The following RPS6KA2 variants were observed in gnomAD, a reference collection of about 807,000 sequenced individuals.
RPS6KA2 encodes the protein ribosomal protein S6 kinase alpha-2.
A neutral mutation model predicts 91.8 loss-of-function variants in RPS6KA2; 42 were observed. The observed-to-expected ratio is 0.46, with a 90% CI of 0.36 to 0.59. The LOEUF (loss-of-function observed/expected upper bound fraction) is 0.59, where lower values mean the gene tolerates loss of function less well. Among genes scored for constraint, RPS6KA2 ranks in the 20% least tolerant of loss-of-function variants. RPS6KA2 has a pLI of 0.00. For synonymous variants in RPS6KA2, 414 were observed against 393.6 expected, an observed-to-expected ratio of 1.05 and a Z score of -0.61; for missense variants, 798 against 978.5, an observed-to-expected ratio of 0.82 and a Z score of 2.46.
At chr6:166,621,371 GGCAAGGCTTCTCACGCA>G (rs1786627823) in intron 1 of RPS6KA2, among the ~76,000 whole-genome samples, 1 of 152,194 alleles carries the variant, frequency 6.6e-6, no homozygotes, top group African/African-American at 2.4e-5. Context: ...GCAGTTAGCA[GGCAAGGCTTCTCACGCA>G]GCTGCAAGTC....
chr6:166,745,148 C>CT (rs147789754), intron 2 of RPS6KA2, among the ~76,000 whole-genome samples: 11,524 of 105,824 alleles, frequency 0.11, 855 homozygotes, highest in African/African-American at 0.15. Context: ...CCTAATCGGC[C>CT]TTTTTTTTTT....
chr6:166,541,758 C>T (rs546168818), intron 1 of RPS6KA2, among the ~76,000 whole-genome samples: 58 of 152,272 alleles, frequency 3.8e-4, no homozygotes, highest in Non-Finnish European at 1.6e-4. Flanking sequence ...AAGCCTTCGA[C>T]GCAGATATCT....
chr6:166,859,571 T>A (rs916171605), intron 1 of RPS6KA2, among the ~76,000 whole-genome samples: 1 of 152,232 alleles, frequency 6.6e-6, no homozygotes, highest in Non-Finnish European at 1.5e-5. Context: ...ATTTATGGGT[T>A]AATTATATAT....
chr6:166,428,158 C>A (rs1778993400), intron 16 of RPS6KA2, among the ~76,000 whole-genome samples: 1 of 151,906 alleles, frequency 6.6e-6, no homozygotes, highest in Non-Finnish European at 1.5e-5. Flanking sequence ...CGCTTATCTA[C>A]AACTATCTGA....
chr6:166,479,394 G>A (rs924789748), intron 10 of RPS6KA2, among the ~76,000 whole-genome samples: 9 of 152,252 alleles, frequency 5.9e-5, no homozygotes, highest in Non-Finnish European at 1.0e-4. Context: ...CCCCAGCCAC[G>A]GCGAGGTGGC....
chr6:166,498,457 C>A, intron 8 of RPS6KA2, 51 bp downstream of exon 8: 1 of 1,554,098 alleles, frequency 6.4e-7, no homozygotes, highest in Non-Finnish European at 8.6e-7. Context: ...GGACAGGGGT[C>A]CACGTGGGGA....
At chr6:166,806,473 T>C (rs926374555) in intron 2 of RPS6KA2, among the ~76,000 whole-genome samples, 3 of 152,182 alleles carry the variant, frequency 2.0e-5, no homozygotes, top group African/African-American at 4.8e-5. Context: ...AGTTAATATA[T>C]TCAAAGTGCT....
intron 2 of RPS6KA2, among the ~76,000 whole-genome samples, chr6:166,747,603 C>T (rs954694962): frequency 4.2e-4 from 64 of 152,306 alleles, no homozygotes; most frequent in Non-Finnish European, 5.6e-4. Flanking sequence ...TTCCACCACA[C>T]AGACTAAGGC....
At chr6:166,442,218 G>GCC (rs1294128870) in intron 14 of RPS6KA2, among the ~76,000 whole-genome samples, 4 of 152,224 alleles carry the variant, frequency 2.6e-5, no homozygotes, top group Non-Finnish European at 5.9e-5. Context: ...TTACTGCCCA[G>GCC]CCCCATCTGC....
rs1408756925 is a variant in RPS6KA2, at chr6:166,733,306, C to A, written c.123+124894G>T. On this transcript the variant is annotated intron_variant, in intron 2 of 21. Transcript: ENST00000503859. This position sits in a 1 kb window ranked among gnomAD's most constrained non-coding sequence, Gnocchi z 4.1. ...CTTTATGGACATGCAGGACTGATGC[C>A]GCCACTGTCAGTAACAGCAGTGGTG... is the stretch of plus-strand genomic sequence containing the variant. 1.3e-5 allele frequency among the ~76,000 whole-genome samples: 2 copies of A among 152,162 alleles called. No homozygotes were observed. Among genetic ancestry groups the A allele is most frequent in the South Asian group, 2.1e-4 (1 of 4,826 alleles).
chr6:166,792,878 A>G (rs1429319825), intron 2 of RPS6KA2, among the ~76,000 whole-genome samples: 1 of 151,198 alleles, frequency 6.6e-6, no homozygotes, highest in East Asian at 1.9e-4. Context: ...GCTATTTGTG[A>G]CACACCCACA....
intron 11 of RPS6KA2, among the ~76,000 whole-genome samples, chr6:166,461,145 G>A (rs144390322): frequency 5.9e-5 from 9 of 152,306 alleles, no homozygotes; most frequent in African/African-American, 1.4e-4. Context: ...GGGCGTGCAC[G>A]CGGGAACCAT....
chr6:166,713,699 C>T (rs1391578157), intron 2 of RPS6KA2, among the ~76,000 whole-genome samples: 2 of 152,216 alleles, frequency 1.3e-5, no homozygotes, highest in African/African-American at 4.8e-5. Flanking sequence ...ATTTATTCAG[C>T]TTTATTATTC....
In RPS6KA2 at chr6:166,619,485, T is replaced by C. The variant is rs374257894; in HGVS notation, c.99+7436A>G. On this transcript the variant is annotated intron_variant, in intron 1 of 20. Coordinates refer to ENST00000265678, the MANE Select transcript of RPS6KA2 (RefSeq NM_021135.6). The stretch of plus-strand genomic sequence containing the variant: ...GCTTCTCGTAGCACCTTTGCAAGCA[T>C]AGTGTAGAACGCAGCAGTCTCTCCA... Among the ~76,000 whole-genome samples, 185 of 152,374 alleles carry C rather than the reference T, an allele frequency of 1.2e-3. 2 individuals are homozygous for C. Among genetic ancestry groups the C allele is most frequent in the African/African-American group, 4.3e-3 (177 of 41,594 alleles).
rs1478360204 is a variant in RPS6KA2, at chr6:166,821,883, T to C, written c.123+36317A>G. Among the ~76,000 whole-genome samples the C allele has an allele frequency of 6.6e-6, 1 of 152,140 alleles. No homozygotes were observed. The highest frequency in any genetic ancestry group is 2.4e-5 in the African/African-American group (1 of 41,442). ...ACTCAGACACGCTCTTCTCTCCTTC[T>C]TCCCCTTCTCAGTTAACGGCACACT... On this transcript the variant is annotated intron_variant, in intron 2 of 21. Transcript: ENST00000503859. The surrounding 1 kb of genome is among the most constrained non-coding windows in gnomAD (Gnocchi z 4.1).
chr6:166,465,611 C>CGGTGTTT (rs1780489200), intron 11 of RPS6KA2, among the ~76,000 whole-genome samples: 2 of 152,246 alleles, frequency 1.3e-5, no homozygotes, highest in Non-Finnish European at 2.9e-5. Context: ...TTCATGCCTA[C>CGGTGTTT]ACATCTTTGC....
chr6:166,422,944 T>G (rs1778776185), intron 17 of RPS6KA2, among the ~76,000 whole-genome samples: 1 of 152,202 alleles, frequency 6.6e-6, no homozygotes. Context: ...GACTACTGCA[T>G]CATCTCTCTA....
At chr6:166,470,625 A>G (rs1212966049) in intron 10 of RPS6KA2, among the ~76,000 whole-genome samples, 1 of 152,142 alleles carries the variant, frequency 6.6e-6, no homozygotes, top group South Asian at 2.1e-4. Context: ...AACGGTGGAT[A>G]CATGTCCACT....
chr6:166,750,690 G>T (rs1791253340), intron 2 of RPS6KA2, among the ~76,000 whole-genome samples: 1 of 152,202 alleles, frequency 6.6e-6, no homozygotes, highest in South Asian at 2.1e-4. Context: ...ACGCAGCACA[G>T]ATGGGTGTCA....
Sources: gnomAD v4.1 joint callset for allele counts (sites outside exome capture counted in the v4.1 genomes callset) on GRCh38, gnomAD v4.1.1 for gene constraint, Gnocchi (gnomAD v3.1) non-coding constraint, MANE v1.5 for transcripts, NCBI Gene and HGNC (gene_info 2026-07-23, HGNC 2026-07-21) for gene names.